Variants in PIAS1 observed in about 807,000 individuals in gnomAD.
The protein encoded by PIAS1 is E3 SUMO-protein ligase PIAS1.
PIAS1 carries 6 observed loss-of-function variants against 71.3 expected under a neutral mutation model. That is an observed-to-expected ratio of 0.08 (90% CI 0.05 to 0.17). The LOEUF (loss-of-function observed/expected upper bound fraction) is 0.17, where lower values mean the gene tolerates loss of function less well. Ranked by LOEUF, PIAS1 falls within the 10% of genes least tolerant of loss-of-function variation. The probability of loss-of-function intolerance (pLI) is 1.00; values close to 1 mark genes in which losing one functional copy is unlikely to be tolerated. For synonymous variants in PIAS1, 303 were observed against 292.9 expected, an observed-to-expected ratio of 1.03 and a Z score of -0.35; for missense variants, 555 against 793.6, an observed-to-expected ratio of 0.70 and a Z score of 3.61.
chr15:68,126,981 C>A (rs553471769), intron 2 of PIAS1, among the ~76,000 whole-genome samples: 125 of 152,124 alleles, frequency 8.2e-4, no homozygotes, highest in African/African-American at 2.9e-3. Flanking sequence ...GTCACCCAAT[C>A]TGGAGTGCAG....
intron 11 of PIAS1, among the ~76,000 whole-genome samples, chr15:68,180,796 C>T (rs1458577274): frequency 6.6e-6 from 1 of 152,168 alleles, no homozygotes; most frequent in African/African-American, 2.4e-5. Context: ...ATTTTCTTTG[C>T]TAGGGCATAC....
rs182720272 is a variant in PIAS1 at position 68,117,790 on chromosome 15, G to A, written c.470-24156G>A. Among the ~76,000 whole-genome samples, 24 of 152,218 alleles carry A rather than the reference G, an allele frequency of 1.6e-4. No homozygotes were observed. In the East Asian group the frequency reaches 4.0e-3, roughly 26 times the overall value. ...CATTTAGGTTGATTTCATATCTTGC[G>A]ATTGTGAGTAGTGCCACAATAAACA... On this transcript the variant is annotated intron_variant, in intron 2 of 13. Transcript: ENST00000249636.
rs1235412476 is a variant in PIAS1, at chr15:68,173,012, C to T, written c.1009-720C>T. ...GCTGCCACTTGGCAATTATGCCAAA[C>T]ATCATGGGGAATGATCACTATTGAT... On this transcript the variant is annotated intron_variant, in intron 8 of 13. Transcript: ENST00000249636. This position sits in a 1 kb window ranked among gnomAD's most constrained non-coding sequence, Gnocchi z 4.3. Among the ~76,000 whole-genome samples, 1 of 152,246 alleles carries T rather than the reference C, an allele frequency of 6.6e-6. No homozygotes were observed. Among genetic ancestry groups the T allele is most frequent in the African/African-American group, 2.4e-5 (1 of 41,464 alleles).
intron 2 of PIAS1, among the ~76,000 whole-genome samples, chr15:68,104,683 A>T (rs1276789556): frequency 6.6e-6 from 1 of 152,216 alleles, no homozygotes; most frequent in Non-Finnish European, 1.5e-5. Flanking sequence ...TAGCCAGAAG[A>T]GAAGATATGA....
chr15:68,103,865 C>A (rs1366361217), intron 2 of PIAS1, among the ~76,000 whole-genome samples: 4 of 152,178 alleles, frequency 2.6e-5, no homozygotes, highest in African/African-American at 2.4e-5. Context: ...TGATGGGCAT[C>A]TGAGTTGTTT....
At chr15:68,102,809 C>T (rs2092439167) in intron 2 of PIAS1, among the ~76,000 whole-genome samples, 1 of 152,092 alleles carries the variant, frequency 6.6e-6, no homozygotes, top group Non-Finnish European at 1.5e-5. Context: ...CAAACAGGGA[C>T]AGTTTTTATT....
intron 2 of PIAS1, among the ~76,000 whole-genome samples, chr15:68,104,475 C>T (rs565103615): frequency 6.6e-6 from 1 of 152,284 alleles, no homozygotes; most frequent in African/African-American, 2.4e-5. Context: ...CTTGCCTCTT[C>T]TCCTCTTCAC....
intron 10 of PIAS1, 42 bp from the exon 11 acceptor site, chr15:68,176,432 A>G (rs776022924): frequency 9.6e-6 from 13 of 1,348,828 alleles, no homozygotes; most frequent in Non-Finnish European, 1.3e-5. Context: ...GAGAGATGTC[A>G]TAGCTCTTCC....
At position 68,136,091 on chromosome 15, in the gene PIAS1, G is replaced by A. The variant is rs1228386776; in HGVS notation, c.470-5855G>A. Among the ~76,000 whole-genome samples, 4 of 56,402 alleles carry A rather than the reference G, an allele frequency of 7.1e-5. 2 individuals carry two copies. Among genetic ancestry groups the A allele is most frequent in the Non-Finnish European group, 2.7e-4 (4 of 14,820 alleles). The allele number at this position is 56,402 out of a possible 152,430, so 37.0% of individuals were successfully genotyped here. ...TCACTTCCCAGACGGGATGGCGGCC[G>A]GGAAGAGGCACTCCTCACTTTCCAG... On this transcript the variant is annotated intron_variant, in intron 2 of 13. Coordinates refer to ENST00000249636, the MANE Select transcript of PIAS1 (RefSeq NM_016166.3).
At chr15:68,092,623 G>A (rs2092342291) in intron 2 of PIAS1, among the ~76,000 whole-genome samples, 1 of 152,212 alleles carries the variant, frequency 6.6e-6, no homozygotes, top group Admixed American at 6.5e-5. Context: ...AAGAGGTGGG[G>A]CCTTTAGCAG....
At chr15:68,070,732 A>G (rs1164340646) in intron 1 of PIAS1, among the ~76,000 whole-genome samples, 1 of 151,584 alleles carries the variant, frequency 6.6e-6, no homozygotes, top group African/African-American at 2.4e-5. Context: ...TGTTGAAATA[A>G]TATTTTGTTT....
chr15:68,175,685 A>G lies in PIAS1; in HGVS notation c.1218A>G (p.Gln406=), dbSNP rs1163104300. 5 of 1,599,082 alleles carry G rather than the reference A, an allele frequency of 3.1e-6. No homozygotes were observed. The highest frequency in any genetic ancestry group is 1.1e-5 in the South Asian group (1 of 89,156). Residue 406 remains glutamine (Q), a synonymous_variant, in exon 10 of 14, where the codon CAA becomes CAG. Transcript: ENST00000249636. ...ACTGTACAGACTGTGATGAAATACA[A>G]TTTAAGGAGGATGGCACTTGGGCAC... ...LKYCTDCDEI[Q]FKEDGTWAPM... is the part of the protein sequence containing the mutation.
At chr15:68,056,261 T>A (rs1455726785) in intron 1 of PIAS1, among the ~76,000 whole-genome samples, 1 of 152,226 alleles carries the variant, frequency 6.6e-6, no homozygotes, top group Non-Finnish European at 1.5e-5. Flanking sequence ...GACTATATTG[T>A]CACTCTTGAT....
chr15:68,073,434 CAG>C (rs1263168719), intron 1 of PIAS1, among the ~76,000 whole-genome samples: 19 of 152,164 alleles, frequency 1.2e-4, no homozygotes, highest in Admixed American at 1.2e-3. Flanking sequence ...TCTCTATAGA[CAG>C]AGCATGTATT....
chr15:68,117,059 T>G (rs1319421195), intron 2 of PIAS1, among the ~76,000 whole-genome samples: 1 of 152,022 alleles, frequency 6.6e-6, no homozygotes, highest in African/African-American at 2.4e-5. Flanking sequence ...CCTTCTAGCG[T>G]TTTTTTGTTG....
intron 8 of PIAS1, among the ~76,000 whole-genome samples, chr15:68,168,233 T>G (rs1292074451): frequency 1.3e-5 from 2 of 152,104 alleles, no homozygotes; most frequent in East Asian, 3.8e-4. Flanking sequence ...AGTCTGGAAC[T>G]CCTGACCTCA....
In PIAS1 at chr15:68,167,930, C is replaced by G. The variant is rs1371563437; in HGVS notation, c.1008+3126C>G. Among the ~76,000 whole-genome samples, 1 of 152,102 alleles carries G rather than the reference C, an allele frequency of 6.6e-6. No homozygotes were observed. Among genetic ancestry groups the G allele is most frequent in the African/African-American group, 2.4e-5 (1 of 41,428 alleles). On this transcript the variant is annotated intron_variant, in intron 8 of 13. Coordinates refer to ENST00000249636, the MANE Select transcript of PIAS1 (RefSeq NM_016166.3). The surrounding 1 kb of genome is among the most constrained non-coding windows in gnomAD (Gnocchi z 4.4). ...CCATGTTGGCCAGGCTGGTCTCAAA[C>G]TCCTGACCTCAGGTGATCTGCTTGC...
intron 1 of PIAS1, among the ~76,000 whole-genome samples, chr15:68,074,198 G>A (rs1422614946): frequency 6.6e-6 from 1 of 152,194 alleles, no homozygotes; most frequent in Admixed American, 6.5e-5. Context: ...GCGTTTTGAA[G>A]TTACGAGTGG....
At chr15:68,141,840 T>C (rs946868545) in intron 2 of PIAS1, 106 bp from the exon 3 acceptor site, 11 of 674,864 alleles carry the variant, frequency 1.6e-5, no homozygotes, top group East Asian at 2.7e-5. Context: ...ATCTAAACTC[T>C]AGAATATATA....
Sources: allele counts gnomAD v4.1 joint callset (sites outside exome capture counted in the v4.1 genomes callset), GRCh38; gene constraint gnomAD v4.1.1; non-coding constraint Gnocchi (gnomAD v3.1); transcripts MANE v1.5; gene names NCBI Gene and HGNC (gene_info 2026-07-23, HGNC 2026-07-21).